ADAR: variants seen among roughly 807,000 people sequenced by gnomAD.
The protein encoded by ADAR is double-stranded RNA-specific adenosine deaminase.
A neutral mutation model predicts 113.2 loss-of-function variants in ADAR; 41 were observed. The ratio of observed to expected loss-of-function variants is 0.36; its 90% CI spans 0.28 to 0.47. ADAR has a LOEUF of 0.47. Ranked by LOEUF, ADAR falls within the 20% of genes least tolerant of loss-of-function variation. ADAR has a pLI of 1.00. For synonymous variants in ADAR, 605 were observed against 572.6 expected (o/e 1.06, Z -0.81); for missense variants, 1,242 against 1,540.9 (o/e 0.81, Z 3.25).
chr1:154,612,166 T>C (rs1016445416), upstream of ADAR, among the ~76,000 whole-genome samples: 1 of 152,196 alleles, frequency 6.6e-6, no homozygotes, highest in East Asian at 1.9e-4. Context: ...TATATCCAAT[T>C]GGAACATCTA....
intron 1 of ADAR, among the ~76,000 whole-genome samples, chr1:154,616,857 T>C (rs972859157): frequency 2.6e-5 from 4 of 152,250 alleles, no homozygotes; most frequent in South Asian, 2.1e-4. Flanking sequence ...CTTTCCACTG[T>C]TGTACTTCAA....
intron 6 of ADAR, among the ~76,000 whole-genome samples, chr1:154,592,170 G>A (rs1215521130): frequency 1.3e-5 from 2 of 152,118 alleles, no homozygotes; most frequent in African/African-American, 2.4e-5. Flanking sequence ...CCAGCTCTGC[G>A]CTTCTCCCAC....
intron 1 of ADAR, among the ~76,000 whole-genome samples, chr1:154,604,619 C>A (rs1698081122): frequency 6.6e-6 from 1 of 152,196 alleles, no homozygotes; most frequent in African/African-American, 2.4e-5. Flanking sequence ...TTAAAAAATT[C>A]TCCTCCCAGG....
Position 154,585,698 on chromosome 1 carries a change from A to G in ADAR, c.3315+55T>C, listed in dbSNP as rs374611246. 2.2e-4 allele frequency: 322 copies of G among 1,462,266 alleles called. 8 individuals are homozygous for G. The South Asian group carries it at 3.6e-3, about 16-fold the overall frequency. 90.6% of individuals were successfully genotyped at this position (1,462,266 alleles called of 1,614,324 possible). On this transcript the variant is annotated intron_variant, in intron 13 of 14. Transcript: ENST00000368474. ...CAGTGTACATTTTTCCTCTGTTTAC[A>G]TGACTGCTTGAAAAGGAGGAAAATG...
intron 1 of ADAR, among the ~76,000 whole-genome samples, chr1:154,619,705 G>A (rs1259469046): frequency 3.9e-5 from 6 of 152,210 alleles, no homozygotes; most frequent in African/African-American, 1.4e-4. Flanking sequence ...GAACAGACAT[G>A]TAAATAACTG....
At chr1:154,623,871 C>T (rs908975048) in intron 1 of ADAR, among the ~76,000 whole-genome samples, 9 of 151,986 alleles carry the variant, frequency 5.9e-5, no homozygotes, top group African/African-American at 2.2e-4. Flanking sequence ...GGGGTAGTGA[C>T]GGGCTCCTGT....
chr1:154,624,626 G>A (rs1026493849), intron 1 of ADAR, among the ~76,000 whole-genome samples: 1 of 152,090 alleles, frequency 6.6e-6, no homozygotes, highest in Admixed American at 6.5e-5. Flanking sequence ...ATCAATCACA[G>A]GTCTTTCCCA....
intron 10 of ADAR, 56 bp downstream of exon 10, chr1:154,588,494 AC>A: frequency 6.2e-7 from 1 of 1,607,186 alleles, no homozygotes. Context: ...GCATTTGGAT[AC>A]CCAATTCTAA....
chr1:154,585,759 G>A lies in ADAR; in HGVS notation c.3309C>T (p.His1103=). The change falls in exon 13 of 15, where the codon CAC becomes CAT. Residue 1103 remains histidine, a synonymous_variant. Coordinates refer to ENST00000368474, the MANE Select transcript of ADAR (RefSeq NM_001111.5). ...DGLRHPFIVN[H]PKVGRVSIYD... ...TAGAAGGGGGTTATAGCACCTTGGGGTGGTTGACAATAAAGGGATGTCGTA... is the reference window on the plus strand; with the variant it reads ...TAGAAGGGGGTTATAGCACCTTGGGATGGTTGACAATAAAGGGATGTCGTA... 1.2e-6 allele frequency: 2 copies of A among 1,612,976 alleles called. No homozygotes were observed. The highest frequency in any genetic ancestry group is 1.7e-6 in the Non-Finnish European group (2 of 1,178,994).
At position 154,583,867 on chromosome 1, in the gene ADAR, A is replaced by T. The variant is rs1036727605; in HGVS notation, c.*939T>A. ...AGTCATGATTATCTGAGCAGAGATG[A>T]TTTTATACCCTCTAGGATTTGTCCC... On this transcript the variant is annotated 3_prime_UTR_variant, in exon 15 of 15. Transcript: ENST00000368474. 1.3e-5 allele frequency: 2 copies of T among 152,190 alleles called. No individual in the cohort carries two copies. Among genetic ancestry groups the T allele is most frequent in the Non-Finnish European group, 2.9e-5 (2 of 68,028 alleles). The allele number at this position is 152,190 out of a possible 1,614,324, so 9.4% of individuals were successfully genotyped here. A position where few individuals can be genotyped will look rare whatever the true frequency, so the allele number is the denominator to read the frequency against.
intron 1 of ADAR, among the ~76,000 whole-genome samples, chr1:154,607,165 CTG>C (rs1382323690): frequency 6.6e-6 from 1 of 151,992 alleles, no homozygotes; most frequent in East Asian, 1.9e-4. Context: ...ATCCCTATAA[CTG>C]TGGTTTTTTT....
intron 3 of ADAR, 129 bp from the exon 4 acceptor site, chr1:154,598,105 A>C: frequency 9.0e-7 from 1 of 1,110,870 alleles, no homozygotes; most frequent in East Asian, 2.6e-5. Flanking sequence ...CCAAAGTTAA[A>C]GGGGCTGCTG....
At position 154,589,163 on chromosome 1, in the gene ADAR, C is replaced by T. The variant is rs186435488; in HGVS notation, c.2762+206G>A. Among the ~76,000 whole-genome samples, 735 of 152,298 alleles carry T rather than the reference C, an allele frequency of 4.8e-3. 4 individuals are homozygous for T. The highest frequency in any genetic ancestry group is 0.016 in the African/African-American group (681 of 41,566). On this transcript the variant is annotated intron_variant, in intron 9 of 14. Coordinates refer to ENST00000368474, the MANE Select transcript of ADAR (RefSeq NM_001111.5). ...AAAAGGACAGCATTTAAAAACAGGC[C>T]GAGCAGTGGGAGGCAGCTCAGCTCA...
chr1:154,586,659 G>A (rs1696786043), intron 11 of ADAR, among the ~76,000 whole-genome samples: 2 of 152,198 alleles, frequency 1.3e-5, no homozygotes, highest in Admixed American at 1.3e-4. Context: ...TGCTGACAGT[G>A]CTCTGAAGGC....
intron 6 of ADAR, among the ~76,000 whole-genome samples, chr1:154,591,843 C>G (rs888593679): frequency 3.9e-5 from 6 of 152,196 alleles, no homozygotes; most frequent in African/African-American, 1.2e-4. Flanking sequence ...TTTGTCCATG[C>G]TGGCAGGCCC....
Position 154,585,243 on chromosome 1 carries a change from C to T in ADAR, c.3417G>A (p.Leu1139=), listed in dbSNP as rs769425114. The T allele has an allele frequency of 2.5e-6, 4 of 1,614,182 alleles. No homozygotes were observed. The highest frequency in any genetic ancestry group is 2.5e-6 in the Non-Finnish European group (3 of 1,180,032). ...CLADGYDLEI[L]DGTRGTVDGP... is the part of the protein sequence containing the mutation. The stretch of plus-strand genomic sequence containing the variant: ...CATCCACAGTGCCTCTGGTACCGTC[C>T]AGGATCTCCAGGTCATAGCCATCAG... Residue 1139 remains leucine (L), a synonymous_variant, in exon 14 of 15, where the codon CTG becomes CTA. Coordinates refer to ENST00000368474, the MANE Select transcript of ADAR (RefSeq NM_001111.5).
chr1:154,594,298 AAC>A (rs572004582), intron 6 of ADAR, among the ~76,000 whole-genome samples: 190 of 152,324 alleles, frequency 1.2e-3, no homozygotes, highest in African/African-American at 4.3e-3. Flanking sequence ...TGAAAATTCA[AAC>A]AGTTAAGAGT....
In ADAR at chr1:154,601,342, G is replaced by C. The variant is rs749677748; in HGVS notation, c.1300C>G (p.Pro434Ala). The change falls in exon 2 of 15, where the codon CCA (proline) becomes GCA (alanine). Residue 434 changes from proline (P) to alanine (A), a missense_variant. This residue lies in a region of ADAR where 780 missense variants were observed against 1,057.9 expected (regional missense o/e 0.74). Transcript: ENST00000368474. This position sits in a 1 kb window ranked among gnomAD's most constrained non-coding sequence, Gnocchi z 4.7. ...GAGGGGCCATTGTAATGAACAGGTG[G>C]TTTCAGTCTTGCTGGTTCTGGTCTG... ...EARPEPARLK[P>A]PVHYNGPSKA... 4 of 1,614,108 alleles carry C rather than the reference G, an allele frequency of 2.5e-6. No homozygotes were observed. Among genetic ancestry groups the C allele is most frequent in the African/African-American group, 1.3e-5 (1 of 74,934 alleles).
intron 4 of ADAR, among the ~76,000 whole-genome samples, 176 bp from the exon 5 acceptor site, chr1:154,597,443 G>A (rs544570492): frequency 6.6e-6 from 1 of 152,246 alleles, no homozygotes; most frequent in Admixed American, 6.5e-5. Flanking sequence ...TCTTAGCCTG[G>A]CTGACCCCTT....
Sources: allele counts gnomAD v4.1 joint callset (sites outside exome capture counted in the v4.1 genomes callset), GRCh38; gene constraint gnomAD v4.1.1; regional missense constraint gnomAD v4.1.1; non-coding constraint Gnocchi (gnomAD v3.1); transcripts MANE v1.5; gene names NCBI Gene and HGNC (gene_info 2026-07-23, HGNC 2026-07-21).